The following HERC4 variants were observed in gnomAD, a reference collection of about 807,000 sequenced individuals.
HERC4 encodes the protein probable E3 ubiquitin-protein ligase HERC4.
In HERC4, 28 loss-of-function variants were observed where a neutral mutation model predicts 124.3. The ratio of observed to expected loss-of-function variants is 0.23; its 90% CI spans 0.17 to 0.31. The LOEUF is 0.31. Ranked by LOEUF, HERC4 falls within the 10% of genes least tolerant of loss-of-function variation. The pLI is 1.00. For missense variants in HERC4, 713 were observed against 1,229.3 expected (o/e 0.58, Z 6.28); for synonymous variants, 407 against 421.5 (o/e 0.97, Z 0.42).
rs1315649567 is a variant in HERC4, at chr10:68,035,215, C to A, written c.464-1029G>T. ...TCGCCCAGGTTGGAGTGCAGTGGCG[C>A]AATCTTCACTCATTGCAACCTCCAT... On this transcript the variant is annotated intron_variant, in intron 5 of 24. Transcript: ENST00000373700. Among the ~76,000 whole-genome samples the A allele has an allele frequency of 2.6e-5, 4 of 151,116 alleles. No individual in the cohort carries two copies. In the East Asian group the frequency reaches 7.8e-4, roughly 29 times the overall value.
rs1470761470 is a variant in HERC4 at position 67,922,838 on chromosome 10, A to G, written c.*93T>C. Reference sequence around the variant, plus strand: ...ACATTCTGCAAGTAAGAATTATAATAGTACCTCTGTCACCTTGCTGAATTC... The same window carrying G: ...ACATTCTGCAAGTAAGAATTATAATGGTACCTCTGTCACCTTGCTGAATTC... On this transcript the variant is annotated 3_prime_UTR_variant, in exon 25 of 25. Coordinates refer to ENST00000373700, the MANE Select transcript of HERC4 (RefSeq NM_015601.4). 2.0e-5 allele frequency: 17 copies of G among 866,434 alleles called. No individual in the cohort carries two copies. Among genetic ancestry groups the G allele is most frequent in the Non-Finnish European group, 7.3e-6 (4 of 549,510 alleles). 53.7% of individuals were successfully genotyped at this position (866,434 alleles called of 1,614,324 possible).
At chr10:67,997,051 T>C (rs555187765) in intron 9 of HERC4, among the ~76,000 whole-genome samples, 1 of 152,152 alleles carries the variant, frequency 6.6e-6, no homozygotes, top group South Asian at 2.1e-4. Context: ...ATAGAAATAC[T>C]GAACTCAAGC....
At chr10:68,000,246 T>A (rs1265940622) in intron 9 of HERC4, among the ~76,000 whole-genome samples, 2 of 152,184 alleles carry the variant, frequency 1.3e-5, no homozygotes, top group East Asian at 3.9e-4. Flanking sequence ...GCTCAGCAGG[T>A]TTGGGGTATT....
At chr10:67,984,678 G>T (rs2036157711) in intron 15 of HERC4, among the ~76,000 whole-genome samples, 1 of 152,154 alleles carries the variant, frequency 6.6e-6, no homozygotes, top group African/African-American at 2.4e-5. Context: ...CACCTCCTGG[G>T]TTCAAGCAAT....
chr10:68,010,134 A>G (rs1284828423), intron 9 of HERC4: 5 of 850,066 alleles, frequency 5.9e-6, no homozygotes, highest in Admixed American at 4.3e-5. Flanking sequence ...AAGCCCTGGC[A>G]CAAACTCCGG....
intron 7 of HERC4, among the ~76,000 whole-genome samples, chr10:68,026,697 G>C (rs2038919065): frequency 6.6e-6 from 1 of 152,112 alleles, no homozygotes; most frequent in Non-Finnish European, 1.5e-5. Flanking sequence ...CAAAAAAATA[G>C]CCAGGCATGG....
chr10:68,018,742 A>G (rs901540271), intron 8 of HERC4, among the ~76,000 whole-genome samples: 10 of 152,160 alleles, frequency 6.6e-5, no homozygotes, highest in Admixed American at 2.0e-4. Flanking sequence ...ACGAAGAGAT[A>G]TGCATGACCT....
At chr10:68,062,956 A>T (rs1367668312) in intron 3 of HERC4, among the ~76,000 whole-genome samples, 1 of 151,966 alleles carries the variant, frequency 6.6e-6, no homozygotes, top group Non-Finnish European at 1.5e-5. Flanking sequence ...ATTTTGCCTA[A>T]CCTTCCTGCT....
At chr10:67,946,342 AACACAAACACACACAC>A (rs1564940197) in intron 19 of HERC4, among the ~76,000 whole-genome samples, 4 of 99,488 alleles carry the variant, frequency 4.0e-5, no homozygotes, top group African/African-American at 1.5e-4. Context: ...AAATGGATAA[AACACAAACACACACAC>A]ACACACACAC....
chr10:67,998,205 T>C (rs2037007821), intron 9 of HERC4, among the ~76,000 whole-genome samples: 1 of 151,292 alleles, frequency 6.6e-6, no homozygotes, highest in African/African-American at 2.4e-5. Flanking sequence ...CTGGAAAATA[T>C]TTTTTTAAGA....
At chr10:68,065,022 T>C (rs2041233553) in intron 3 of HERC4, among the ~76,000 whole-genome samples, 3 of 151,564 alleles carry the variant, frequency 2.0e-5, no homozygotes, top group African/African-American at 7.3e-5. Context: ...TTTTGGTACA[T>C]CTAAATGATG....
At chr10:67,972,527 A>T (rs2035305771) in intron 15 of HERC4, among the ~76,000 whole-genome samples, 1 of 117,074 alleles carries the variant, frequency 8.5e-6, no homozygotes, top group Non-Finnish European at 1.7e-5. Flanking sequence ...CTCAAAAAAG[A>T]GGAAAAAAAA....
intron 3 of HERC4, chr10:68,067,294 T>G (rs2041347662): frequency 6.6e-6 from 1 of 152,614 alleles, no homozygotes; most frequent in South Asian, 2.1e-4. Flanking sequence ...TTTCCTACCC[T>G]TGACACTGTG....
At chr10:67,957,683 C>T (rs572100457) in intron 16 of HERC4, among the ~76,000 whole-genome samples, 63 of 152,280 alleles carry the variant, frequency 4.1e-4, no homozygotes, top group African/African-American at 1.4e-3. Context: ...ACCATCTACC[C>T]AGTAAAACAA....
At chr10:68,031,259 C>G (rs2039187011) in intron 7 of HERC4, among the ~76,000 whole-genome samples, 1 of 152,084 alleles carries the variant, frequency 6.6e-6, no homozygotes, top group South Asian at 2.1e-4. Flanking sequence ...ATCTGAAAGG[C>G]TGAATTTGAA....
intron 5 of HERC4, among the ~76,000 whole-genome samples, chr10:68,035,156 CTTT>C (rs34966031): frequency 4.3e-5 from 6 of 139,616 alleles, no homozygotes; most frequent in Non-Finnish European, 6.3e-5. Flanking sequence ...GACAACCACT[CTTT>C]TTTTTTTTTT....
At chr10:67,960,461 C>T (rs1459187024) in intron 16 of HERC4, among the ~76,000 whole-genome samples, 1 of 152,150 alleles carries the variant, frequency 6.6e-6, no homozygotes, top group Non-Finnish European at 1.5e-5. Context: ...TCTCGTCTCA[C>T]CGCAACCTCT....
intron 21 of HERC4, among the ~76,000 whole-genome samples, chr10:67,938,219 G>T (rs1283984641): frequency 2.6e-5 from 4 of 151,656 alleles, no homozygotes; most frequent in African/African-American, 4.8e-5. Context: ...AACGCGGGCA[G>T]ATCACGAGGT....
intron 15 of HERC4, chr10:67,987,931 T>C (rs1305099024): frequency 1.3e-5 from 2 of 152,154 alleles, no homozygotes; most frequent in African/African-American, 2.4e-5. Context: ...TAAAGGTTCA[T>C]GTGGGTTTTT....
Sources: gnomAD v4.1 joint callset for allele counts (sites outside exome capture counted in the v4.1 genomes callset) on GRCh38, gnomAD v4.1.1 for gene constraint, MANE v1.5 for transcripts, NCBI Gene and HGNC (gene_info 2026-07-23, HGNC 2026-07-21) for gene names.